Variants in PDE10A observed in about 807,000 individuals in gnomAD.
PDE10A encodes the protein cAMP and cAMP-inhibited cGMP 3',5'-cyclic phosphodiesterase 10A.
Under a neutral mutation model 97.7 loss-of-function variants are expected in PDE10A, and 39 were observed. The observed-to-expected ratio is 0.40, with a 90% CI of 0.31 to 0.52. PDE10A has a LOEUF of 0.52. Among genes scored for constraint, PDE10A ranks in the 20% least tolerant of loss-of-function variants. The probability of loss-of-function intolerance (pLI) is 0.56; values close to 1 mark genes in which losing one functional copy is unlikely to be tolerated. For missense variants in PDE10A, 731 were observed against 1,047.8 expected, an observed-to-expected ratio of 0.70 and a Z score of 4.17; for synonymous variants, 371 against 376.8, an observed-to-expected ratio of 0.98 and a Z score of 0.18.
At chr6:165,985,779 G>A (rs923780297) in intron 1 of PDE10A, among the ~76,000 whole-genome samples, 14 of 152,242 alleles carry the variant, frequency 9.2e-5, no homozygotes, top group Middle Eastern at 6.8e-3. Context: ...AGCCAGGCAG[G>A]CATGAGGGAA....
intron 1 of PDE10A, chr6:165,986,275 G>A (rs893695883): frequency 1.3e-5 from 2 of 153,702 alleles, no homozygotes; most frequent in African/African-American, 4.8e-5. Context: ...TCCCCCCTCG[G>A]AGAGGAGAGT....
chr6:165,391,612 A>C (rs9365883), intron 16 of PDE10A, among the ~76,000 whole-genome samples: 1 of 152,146 alleles, frequency 6.6e-6, no homozygotes, highest in Non-Finnish European at 1.5e-5. Context: ...TTTCGCGGGG[A>C]GGTGATAAAT....
chr6:165,760,813 G>A (rs547424374), intron 1 of PDE10A, among the ~76,000 whole-genome samples: 10 of 152,294 alleles, frequency 6.6e-5, no homozygotes, highest in South Asian at 2.1e-4. Flanking sequence ...CACAGCTGAT[G>A]GTGTCAGGGA....
At chr6:165,911,297 T>C (rs536298457) in intron 1 of PDE10A, among the ~76,000 whole-genome samples, 1 of 152,330 alleles carries the variant, frequency 6.6e-6, no homozygotes, top group South Asian at 2.1e-4. Flanking sequence ...TATTGCATTG[T>C]TCTGTGAATA....
In PDE10A at chr6:165,730,958, A is replaced by C. The variant is rs543639802; in HGVS notation, c.-614-187390T>G. Reference sequence around the variant, plus strand: ...CTACTCCGGAGGCTGAGGCAGGAGAATCGCTTGAACCAGGGAGGCGGAGGT... The same window carrying C: ...CTACTCCGGAGGCTGAGGCAGGAGACTCGCTTGAACCAGGGAGGCGGAGGT... On this transcript the variant is annotated intron_variant, in intron 1 of 19. Coordinates refer to the PDE10A transcript ENST00000366882. 4.0e-3 allele frequency among the ~76,000 whole-genome samples: 604 copies of C among 152,208 alleles called. 5 individuals are homozygous for C. The highest frequency in any genetic ancestry group is 5.4e-3 in the Non-Finnish European group (368 of 68,026).
At chr6:165,443,337 G>C (rs1790610144) in intron 5 of PDE10A, among the ~76,000 whole-genome samples, 1 of 152,058 alleles carries the variant, frequency 6.6e-6, no homozygotes, top group Non-Finnish European at 1.5e-5. Flanking sequence ...TAAATATTAA[G>C]GCCCCAAAAT....
intron 1 of PDE10A, among the ~76,000 whole-genome samples, chr6:165,746,166 T>C (rs1583028511): frequency 6.6e-6 from 1 of 152,214 alleles, no homozygotes; most frequent in Non-Finnish European, 1.5e-5. Context: ...GAAGCTTTTC[T>C]AGCTCAGTAA....
intron 2 of PDE10A, among the ~76,000 whole-genome samples, chr6:165,498,256 A>G (rs935094157): frequency 6.6e-6 from 1 of 151,406 alleles, no homozygotes; most frequent in Admixed American, 6.6e-5. Flanking sequence ...ACAAAAAATT[A>G]AAAAATAGCC....
intron 3 of PDE10A, among the ~76,000 whole-genome samples, chr6:165,452,577 G>C (rs1404198872): frequency 6.6e-6 from 1 of 152,034 alleles, no homozygotes; most frequent in Non-Finnish European, 1.5e-5. Context: ...TCTCCTTTCT[G>C]CCATGGGATG....
intron 3 of PDE10A, among the ~76,000 whole-genome samples, chr6:165,464,302 C>T (rs1023546882): frequency 6.6e-6 from 1 of 152,152 alleles, no homozygotes; most frequent in African/African-American, 2.4e-5. Flanking sequence ...AACCATGACT[C>T]ATTCTGATAC....
intron 2 of PDE10A, among the ~76,000 whole-genome samples, chr6:165,513,712 T>G (rs1274003212): frequency 6.6e-6 from 1 of 152,168 alleles, no homozygotes; most frequent in Non-Finnish European, 1.5e-5. Context: ...CAATGTTTCA[T>G]AGTTTTCAGT....
chr6:165,799,377 A>AT (rs894748827), intron 1 of PDE10A, among the ~76,000 whole-genome samples: 32 of 151,138 alleles, frequency 2.1e-4, no homozygotes, highest in East Asian at 5.8e-4. Context: ...TTTGAAGGGC[A>AT]TTTTTTTTTG....
chr6:165,393,819 T>C (rs1347407103), intron 15 of PDE10A, among the ~76,000 whole-genome samples: 1 of 152,142 alleles, frequency 6.6e-6, no homozygotes, highest in Non-Finnish European at 1.5e-5. Context: ...AAGAAAACTA[T>C]TCCTTGCATT....
intron 1 of PDE10A, among the ~76,000 whole-genome samples, chr6:165,692,974 T>C (rs985858614): frequency 3.9e-5 from 6 of 152,188 alleles, no homozygotes; most frequent in Admixed American, 2.6e-4. Flanking sequence ...CCCTCCCTTA[T>C]TTTTTAACAT....
At chr6:165,557,249 G>T (rs1224177722) in intron 1 of PDE10A, among the ~76,000 whole-genome samples, 1 of 152,082 alleles carries the variant, frequency 6.6e-6, no homozygotes, top group African/African-American at 2.4e-5. Context: ...ATAGGTTTCT[G>T]GTAGTATAAT....
intron 1 of PDE10A, among the ~76,000 whole-genome samples, chr6:165,964,677 G>A (rs1359953463): frequency 6.6e-6 from 1 of 152,182 alleles, no homozygotes; most frequent in Non-Finnish European, 1.5e-5. Context: ...TTATCCAGCA[G>A]TGCCCAATTT....
intron 1 of PDE10A, among the ~76,000 whole-genome samples, chr6:165,759,076 T>TC (rs759873790): frequency 6.6e-6 from 1 of 152,180 alleles, no homozygotes; most frequent in Non-Finnish European, 1.5e-5. Flanking sequence ...CGGGAAGCAG[T>TC]CCTGCTCCGT....
At position 165,356,047 on chromosome 6, in the gene PDE10A, G is replaced by C. The variant is rs141612863; in HGVS notation, c.2784-12545C>G. Among the ~76,000 whole-genome samples the C allele has an allele frequency of 7.9e-3, 1,200 of 152,138 alleles. 15 individuals carry two copies. The highest frequency in any genetic ancestry group is 0.027 in the African/African-American group (1,133 of 41,488). On this transcript the variant is annotated intron_variant, in intron 18 of 21. Coordinates refer to ENST00000539869, the MANE Select transcript of PDE10A (RefSeq NM_001385079.1). ...GTATTATATGGCTGCAGGAGAGAGA[G>C]AGCAAGCAAAGTGGGAGGTGCCACA... is the stretch of plus-strand genomic sequence containing the variant.
At chr6:165,835,981 T>C (rs1302448718) in intron 1 of PDE10A, among the ~76,000 whole-genome samples, 1 of 152,214 alleles carries the variant, frequency 6.6e-6, no homozygotes, top group Non-Finnish European at 1.5e-5. Flanking sequence ...GCTGAACTTG[T>C]CTTCTTCTGA....
Sources: gnomAD v4.1 joint callset for allele counts (sites outside exome capture counted in the v4.1 genomes callset) on GRCh38, gnomAD v4.1.1 for gene constraint, MANE v1.5 for transcripts, NCBI Gene and HGNC (gene_info 2026-07-23, HGNC 2026-07-21) for gene names.